The following PEPD variants were observed in gnomAD, a reference collection of about 807,000 sequenced individuals.
PEPD encodes the protein xaa-Pro dipeptidase.
Under a neutral mutation model 60.7 loss-of-function variants are expected in PEPD, and 53 were observed. The observed-to-expected ratio is 0.87, with a 90% CI of 0.70 to 1.10. The LOEUF (loss-of-function observed/expected upper bound fraction) is 1.10. Among genes scored for constraint, PEPD ranks in the 50% least tolerant of loss-of-function variants. PEPD has a pLI of 0.00. For missense variants in PEPD, 711 were observed against 711.9 expected (o/e 1.00, Z 0.01); for synonymous variants, 267 against 284.1 (o/e 0.94, Z 0.60).
intron 9 of PEPD, among the ~76,000 whole-genome samples, chr19:33,434,623 G>A (rs1969339669): frequency 6.6e-6 from 1 of 152,026 alleles, no homozygotes; most frequent in Non-Finnish European, 1.5e-5. Flanking sequence ...CCTTGGTCTC[G>A]GGGGTGAACT....
chr19:33,409,256 C>T (rs1218514985), intron 11 of PEPD, among the ~76,000 whole-genome samples: 1 of 152,268 alleles, frequency 6.6e-6, no homozygotes, highest in East Asian at 1.9e-4. Context: ...TCTCCAGCCA[C>T]CCAGAAGTGC....
chr19:33,506,323 TACAC>T (rs1202808996), intron 3 of PEPD, among the ~76,000 whole-genome samples: 1 of 105,010 alleles, frequency 9.5e-6, no homozygotes, highest in African/African-American at 3.8e-5. Flanking sequence ...CCCTACACAC[TACAC>T]ACACACCCAC....
At chr19:33,480,318 T>G (rs1970290202) in intron 6 of PEPD, among the ~76,000 whole-genome samples, 1 of 152,206 alleles carries the variant, frequency 6.6e-6, no homozygotes, top group African/African-American at 2.4e-5. Flanking sequence ...GGGCATTTTA[T>G]AACGATAATT....
intron 9 of PEPD, among the ~76,000 whole-genome samples, chr19:33,450,005 T>G (rs1390104785): frequency 6.6e-6 from 1 of 152,240 alleles, no homozygotes; most frequent in Non-Finnish European, 1.5e-5. Context: ...CCACTGCCAC[T>G]GGCCTGTCCA....
intron 9 of PEPD, among the ~76,000 whole-genome samples, chr19:33,417,514 T>C (rs942050678): frequency 6.6e-6 from 1 of 152,240 alleles, no homozygotes; most frequent in Non-Finnish European, 1.5e-5. Flanking sequence ...TTGGCTCTGC[T>C]GCTGGCCAGC....
At chr19:33,410,620 C>G (rs931470661) in intron 11 of PEPD, among the ~76,000 whole-genome samples, 2 of 152,172 alleles carry the variant, frequency 1.3e-5, no homozygotes, top group South Asian at 4.1e-4. Context: ...GATGGGAAGG[C>G]GGAGGCAGCC....
intron 13 of PEPD, among the ~76,000 whole-genome samples, chr19:33,389,502 C>CG (rs1243804693): frequency 1.3e-5 from 2 of 152,138 alleles, no homozygotes; most frequent in South Asian, 2.1e-4. Flanking sequence ...TGGGCTCCCC[C>CG]ACCCCACCGC....
intron 9 of PEPD, among the ~76,000 whole-genome samples, chr19:33,419,242 T>C (rs10423247): frequency 0.44 from 66,703 of 151,978 alleles, 15,065 homozygotes; most frequent in African/African-American, 0.54. Flanking sequence ...GCCCCACTGC[T>C]GCCCAGATCA....
chr19:33,415,582 G>C (rs971044135), intron 9 of PEPD, among the ~76,000 whole-genome samples: 3 of 152,090 alleles, frequency 2.0e-5, no homozygotes, highest in Admixed American at 6.5e-5. Context: ...TGGCTCTCTC[G>C]CCTGCAGCAA....
chr19:33,513,138 C>T (rs1034832296), intron 1 of PEPD, among the ~76,000 whole-genome samples: 3 of 152,222 alleles, frequency 2.0e-5, no homozygotes, highest in Admixed American at 6.5e-5. Flanking sequence ...ACTCTCTCTG[C>T]GGAAACCTTC....
At chr19:33,503,091 A>G (rs777476760) in intron 3 of PEPD, among the ~76,000 whole-genome samples, 18 of 152,050 alleles carry the variant, frequency 1.2e-4, no homozygotes, top group Non-Finnish European at 2.5e-4. Flanking sequence ...TGCCATTCTC[A>G]GCCTTTGTGA....
Position 33,391,284 on chromosome 19 carries a change from T to C in PEPD, c.1152+11A>G. ...TGGGCAGGCCACTCCGCCTGCCATGTCCACACTGACCTCTGGGTAGCCTCC... is the reference window on the plus strand; with the variant it reads ...TGGGCAGGCCACTCCGCCTGCCATGCCCACACTGACCTCTGGGTAGCCTCC... On this transcript the variant is annotated intron_variant, in intron 13 of 14. Coordinates refer to ENST00000244137, the MANE Select transcript of PEPD (RefSeq NM_000285.4). The C allele has an allele frequency of 2.5e-6, 4 of 1,607,994 alleles. No individual in the cohort carries two copies. The South Asian group carries it at 3.3e-5, about 13-fold the overall frequency.
intron 11 of PEPD, among the ~76,000 whole-genome samples, chr19:33,402,331 G>A (rs879367783): frequency 6.6e-5 from 10 of 152,228 alleles, no homozygotes; most frequent in Non-Finnish European, 1.0e-4. Context: ...ACAGGCTGAG[G>A]CCGTGCTTGT....
intron 9 of PEPD, among the ~76,000 whole-genome samples, chr19:33,425,297 A>AAAAC (rs113458763): frequency 0.3 from 45,982 of 151,120 alleles, 7,564 homozygotes; most frequent in African/African-American, 0.43. Context: ...ATTCAGTCTC[A>AAAAC]AAACAAACAA....
chr19:33,487,617 A>T (rs1970420268), intron 6 of PEPD, among the ~76,000 whole-genome samples: 1 of 152,206 alleles, frequency 6.6e-6, no homozygotes, highest in Admixed American at 6.5e-5. Flanking sequence ...GTCTCAGCCC[A>T]GCCCCCAGCT....
At chr19:33,501,227 C>A (rs959204057) in intron 3 of PEPD, among the ~76,000 whole-genome samples, 23 of 152,158 alleles carry the variant, frequency 1.5e-4, no homozygotes, top group African/African-American at 5.3e-4. Context: ...CTTTCCTCAG[C>A]AAGCCCCGCT....
chr19:33,459,662 C>G (rs1198795362), intron 9 of PEPD, among the ~76,000 whole-genome samples: 1 of 142,778 alleles, frequency 7.0e-6, no homozygotes, highest in Non-Finnish European at 1.5e-5. Context: ...TAAATGCCAT[C>G]CGCTCGCTCA....
At chr19:33,444,993 G>C (rs1969566962) in intron 9 of PEPD, among the ~76,000 whole-genome samples, 1 of 152,200 alleles carries the variant, frequency 6.6e-6, no homozygotes, top group African/African-American at 2.4e-5. Context: ...CAGAAAGCTG[G>C]AGGTCACCAC....
rs147195281 is a variant in PEPD, at chr19:33,406,744, C to T, written c.819-4875G>A. ...GAGTAGACAGCAGGAGTAGGCTGGCCGCATCCCAGGCTGCAGGGCCCATGT... is the reference window on the plus strand; with the variant it reads ...GAGTAGACAGCAGGAGTAGGCTGGCTGCATCCCAGGCTGCAGGGCCCATGT... On this transcript the variant is annotated intron_variant, in intron 11 of 14. Coordinates refer to ENST00000244137, the MANE Select transcript of PEPD (RefSeq NM_000285.4). 3.3e-3 allele frequency among the ~76,000 whole-genome samples: 509 copies of T among 152,298 alleles called. 3 individuals are homozygous for T. Among genetic ancestry groups the T allele is most frequent in the African/African-American group, 0.012 (479 of 41,564 alleles).
Sources: allele counts gnomAD v4.1 joint callset (sites outside exome capture counted in the v4.1 genomes callset), GRCh38; gene constraint gnomAD v4.1.1; transcripts MANE v1.5; gene names NCBI Gene and HGNC (gene_info 2026-07-23, HGNC 2026-07-21).